ATXN1: variants seen among roughly 807,000 people sequenced by gnomAD.
ATXN1 encodes the protein ataxin-1.
Under a neutral mutation model 56.4 loss-of-function variants are expected in ATXN1, and 8 were observed. The observed-to-expected ratio is 0.14, with a 90% CI of 0.08 to 0.26. The LOEUF (loss-of-function observed/expected upper bound fraction) is 0.26, where lower values mean the gene tolerates loss of function less well. ATXN1 is among the 10% of genes least tolerant of loss of function. The pLI is 1.00. For synonymous variants in ATXN1, 514 were observed against 494.6 expected (o/e 1.04, Z -0.52); for missense variants, 987 against 1,106.5 (o/e 0.89, Z 1.53).
chr6:16,572,209 T>C (rs1199781423), intron 4 of ATXN1, among the ~76,000 whole-genome samples: 2 of 152,144 alleles, frequency 1.3e-5, no homozygotes, highest in East Asian at 3.8e-4. Flanking sequence ...CAATTAACTA[T>C]AAAAAGGGTT....
At chr6:16,603,482 C>T (rs1174793814) in intron 3 of ATXN1, among the ~76,000 whole-genome samples, 6 of 152,134 alleles carry the variant, frequency 3.9e-5, no homozygotes, top group African/African-American at 7.2e-5. Context: ...GAGTGCTTAG[C>T]GGCCAGAACC....
At chr6:16,321,266 C>G (rs1002928402) in intron 7 of ATXN1, among the ~76,000 whole-genome samples, 4 of 151,968 alleles carry the variant, frequency 2.6e-5, no homozygotes, top group Non-Finnish European at 5.9e-5. Flanking sequence ...CATCTGGATG[C>G]GCCACAGACT....
chr6:16,530,707 A>C (rs1761487122), intron 4 of ATXN1, among the ~76,000 whole-genome samples: 1 of 152,184 alleles, frequency 6.6e-6, no homozygotes, highest in South Asian at 2.1e-4. Context: ...CCATGACACA[A>C]GTTTACCTAT....
intron 3 of ATXN1, among the ~76,000 whole-genome samples, chr6:16,653,629 G>A (rs1758123668): frequency 6.6e-6 from 1 of 152,164 alleles, no homozygotes; most frequent in African/African-American, 2.4e-5. Context: ...TTAGTCAGGG[G>A]CTCCTGTCAT....
intron 2 of ATXN1, among the ~76,000 whole-genome samples, chr6:16,673,015 C>G (rs1434846564): frequency 1.8e-5 from 2 of 109,804 alleles, no homozygotes; most frequent in South Asian, 3.4e-4. Context: ...TCCGTTCCCC[C>G]CCGCCAAAAA....
chr6:16,581,775 T>C (rs1458731590), intron 4 of ATXN1, among the ~76,000 whole-genome samples: 1 of 152,120 alleles, frequency 6.6e-6, no homozygotes. Context: ...AAAAAGGATA[T>C]GGTTAATAAG....
At chr6:16,419,738 G>C (rs368427997) in intron 6 of ATXN1, among the ~76,000 whole-genome samples, 1 of 152,128 alleles carries the variant, frequency 6.6e-6, no homozygotes, top group African/African-American at 2.4e-5. Flanking sequence ...GTGGCTGCCC[G>C]GGTCTGCCTT....
intron 4 of ATXN1, among the ~76,000 whole-genome samples, chr6:16,581,409 G>A (rs1206588276): frequency 5.9e-5 from 9 of 152,146 alleles, no homozygotes; most frequent in African/African-American, 1.7e-4. Flanking sequence ...AAAAAGGTTC[G>A]TCAAAGACAG....
chr6:16,745,720 A>G (rs1021208904), intron 2 of ATXN1, among the ~76,000 whole-genome samples: 3 of 152,028 alleles, frequency 2.0e-5, no homozygotes, highest in Non-Finnish European at 4.4e-5. Context: ...GAGGGTGCTT[A>G]GTCCTTCCCA....
intron 3 of ATXN1, among the ~76,000 whole-genome samples, chr6:16,657,458 A>G (rs1377656802): frequency 1.3e-5 from 2 of 152,346 alleles, no homozygotes; most frequent in East Asian, 3.9e-4. Flanking sequence ...AAAATGGAGT[A>G]TCTGGTAGAT....
chr6:16,723,694 T>C (rs879599126), intron 2 of ATXN1, among the ~76,000 whole-genome samples: 11 of 152,136 alleles, frequency 7.2e-5, no homozygotes, highest in Non-Finnish European at 1.5e-4. Context: ...TAAGTATATA[T>C]ATTTTTAAAA....
At chr6:16,731,431 G>A (rs1321606500) in intron 2 of ATXN1, among the ~76,000 whole-genome samples, 4 of 140,008 alleles carry the variant, frequency 2.9e-5, no homozygotes, top group African/African-American at 1.0e-4. Flanking sequence ...GACAGATAAC[G>A]AGAGAGGCTT....
chr6:16,656,150 G>A (rs1321812574), intron 3 of ATXN1, among the ~76,000 whole-genome samples: 2 of 151,886 alleles, frequency 1.3e-5, no homozygotes, highest in African/African-American at 4.8e-5. Context: ...TTGACCAAAG[G>A]GCTGGCTGTC....
chr6:16,592,672 G>A (rs944385222), intron 3 of ATXN1, among the ~76,000 whole-genome samples: 1 of 152,028 alleles, frequency 6.6e-6, no homozygotes, highest in African/African-American at 2.4e-5. Flanking sequence ...GTCTGGAGTT[G>A]GTTCCTTCTG....
intron 6 of ATXN1, among the ~76,000 whole-genome samples, chr6:16,482,682 C>T (rs1581791957): frequency 6.6e-6 from 1 of 152,208 alleles, no homozygotes; most frequent in Admixed American, 6.5e-5. Flanking sequence ...TAAATTTAAA[C>T]AGCTAAAGCT....
At chr6:16,733,095 A>G (rs1760027984) in intron 2 of ATXN1, among the ~76,000 whole-genome samples, 1 of 152,212 alleles carries the variant, frequency 6.6e-6, no homozygotes. Flanking sequence ...TGAGTTTTAC[A>G]CCCACCATAC....
At chr6:16,668,538 C>G (rs1758478275) in intron 2 of ATXN1, among the ~76,000 whole-genome samples, 1 of 151,964 alleles carries the variant, frequency 6.6e-6, no homozygotes, top group African/African-American at 2.4e-5. Context: ...AGAGTTCAGC[C>G]AAGGGTGCCC....
At chr6:16,361,088 A>G (rs1761799511) in intron 6 of ATXN1, among the ~76,000 whole-genome samples, 2 of 152,242 alleles carry the variant, frequency 1.3e-5, no homozygotes, top group South Asian at 4.1e-4. Context: ...TCAATAGTGA[A>G]TATGTCTGAG....
intron 6 of ATXN1, among the ~76,000 whole-genome samples, chr6:16,380,711 C>T (rs1251666473): frequency 6.6e-6 from 1 of 152,024 alleles, no homozygotes; most frequent in Non-Finnish European, 1.5e-5. Flanking sequence ...CTCAAGAGGG[C>T]CCCGTTACCT....
Sources: allele counts gnomAD v4.1 joint callset (sites outside exome capture counted in the v4.1 genomes callset), GRCh38; gene constraint gnomAD v4.1.1; transcripts MANE v1.5; gene names NCBI Gene and HGNC (gene_info 2026-07-23, HGNC 2026-07-21).